The following IPO11 variants were observed in gnomAD, a reference collection of about 807,000 sequenced individuals.
IPO11 encodes importin-11.
In IPO11, 66 loss-of-function variants were observed where a neutral mutation model predicts 143.2. The observed-to-expected ratio is 0.46, with a 90% CI of 0.38 to 0.57. The LOEUF (loss-of-function observed/expected upper bound fraction) is 0.57. Ranked by LOEUF, IPO11 falls within the 20% of genes least tolerant of loss-of-function variation. The pLI, the probability that IPO11 is intolerant of heterozygous loss-of-function variation, is 0.00. For synonymous variants in IPO11, 385 were observed against 377.8 expected, an observed-to-expected ratio of 1.02 and a Z score of -0.22; for missense variants, 1,026 against 1,141.0, an observed-to-expected ratio of 0.90 and a Z score of 1.45.
intron 24 of IPO11, among the ~76,000 whole-genome samples, chr5:62,538,363 A>C (rs893061911): frequency 6.6e-6 from 1 of 152,106 alleles, no homozygotes; most frequent in Non-Finnish European, 1.5e-5. Context: ...TCCCCACCCA[A>C]ATCACCCCAT....
At chr5:62,537,403 CAGG>C in intron 24 of IPO11, 114 bp downstream of exon 24, 1 of 695,196 alleles carries the variant, frequency 1.4e-6, no homozygotes, top group Non-Finnish European at 2.4e-6. Flanking sequence ...TAGTTCTAGA[CAGG>C]CTATTTTGGC....
At chr5:62,557,254 G>C (rs1743606916) in intron 26 of IPO11, among the ~76,000 whole-genome samples, 1 of 152,002 alleles carries the variant, frequency 6.6e-6, no homozygotes, top group African/African-American at 2.4e-5. Flanking sequence ...CGCGATCTCA[G>C]CTCACTGCAA....
At chr5:62,499,504 G>A (rs1741272280) in intron 16 of IPO11, among the ~76,000 whole-genome samples, 1 of 151,484 alleles carries the variant, frequency 6.6e-6, no homozygotes, top group South Asian at 2.1e-4. Flanking sequence ...TGTACACTTA[G>A]GCTACACTAA....
At chr5:62,580,496 A>G (rs1744509003) in intron 27 of IPO11, 1 of 1,551,336 alleles carries the variant, frequency 6.4e-7, no homozygotes, top group East Asian at 2.4e-5. Context: ...TCATTGATTC[A>G]TCTTCAGGCA....
intron 27 of IPO11, among the ~76,000 whole-genome samples, chr5:62,591,176 C>T (rs982926538): frequency 6.6e-6 from 1 of 151,970 alleles, no homozygotes; most frequent in South Asian, 2.1e-4. Context: ...AGTCCATTAC[C>T]AGATACTTGT....
chr5:62,552,406 A>G (rs1743419280), intron 26 of IPO11, among the ~76,000 whole-genome samples: 1 of 152,016 alleles, frequency 6.6e-6, no homozygotes, highest in South Asian at 2.1e-4. Flanking sequence ...TTGTTTTGAT[A>G]AATAAATAGG....
At chr5:62,468,888 G>A (rs936031603) in intron 6 of IPO11, among the ~76,000 whole-genome samples, 2 of 152,128 alleles carry the variant, frequency 1.3e-5, no homozygotes, top group African/African-American at 4.8e-5. Context: ...TTTGTTTTGT[G>A]TAATCTCTAT....
chr5:62,597,492 AG>A (rs1745268890), intron 28 of IPO11, among the ~76,000 whole-genome samples: 1 of 152,230 alleles, frequency 6.6e-6, no homozygotes, highest in Admixed American at 6.5e-5. Context: ...AAAGGGAAAT[AG>A]GGTACTGAAA....
At chr5:62,428,110 G>A (rs1743826964) in intron 1 of IPO11, among the ~76,000 whole-genome samples, 1 of 152,106 alleles carries the variant, frequency 6.6e-6, no homozygotes, top group Non-Finnish European at 1.5e-5. Flanking sequence ...CTTGTCTTAT[G>A]CCAGAAGTCT....
rs752777080 is a variant in IPO11 at position 62,442,876 on chromosome 5, A to AACAAAACAAT, written c.139-98_139-97insTACAAAACAA. The AACAAAACAAT allele has an allele frequency of 7.8e-4, 508 of 654,492 alleles. 1 individual carries two copies. The highest frequency in any genetic ancestry group is 1.7e-3 in the Middle Eastern group (4 of 2,376). The allele number at this position is 654,492 out of a possible 1,614,324, so 40.5% of individuals were successfully genotyped here. ...TGAAACTGTCTCAAAAACAAAACAA[A>AACAAAACAAT]ACAAAACAAAACAAAACAAAGATCT... is the stretch of plus-strand genomic sequence containing the variant. On this transcript the variant is annotated intron_variant, in intron 2 of 29. Transcript: ENST00000325324.
In IPO11 at chr5:62,438,687, G is replaced by A. The variant is rs1450111618; in HGVS notation, c.138+1270G>A. Among the ~76,000 whole-genome samples the A allele has an allele frequency of 9.2e-5, 14 of 151,792 alleles. 1 individual carries two copies. The highest frequency in any genetic ancestry group is 9.2e-4 in the Admixed American group (14 of 15,216). On this transcript the variant is annotated intron_variant, in intron 2 of 29. Coordinates refer to ENST00000325324, the MANE Select transcript of IPO11 (RefSeq NM_016338.5). ...GAATCGCTTGAACTCAGGAGGCGGA[G>A]GTTGCAGTGAGCTGAGATCGTGCCA...
intron 21 of IPO11, chr5:62,526,634 T>C (rs1742378209): frequency 5.7e-6 from 1 of 176,740 alleles, no homozygotes; most frequent in Non-Finnish European, 1.2e-5. Flanking sequence ...ATACCTTAGC[T>C]CCAAATGCTA....
chr5:62,447,704 G>C (rs1039532657), intron 3 of IPO11, among the ~76,000 whole-genome samples: 1 of 151,930 alleles, frequency 6.6e-6, no homozygotes, highest in African/African-American at 2.4e-5. Context: ...TCCCACTGCA[G>C]CCTCTGGAGT....
intron 27 of IPO11, among the ~76,000 whole-genome samples, chr5:62,588,924 C>T (rs748529022): frequency 4.6e-5 from 7 of 152,164 alleles, no homozygotes; most frequent in Non-Finnish European, 8.8e-5. Flanking sequence ...GCTTACTCAC[C>T]CACGTGCCTA....
Position 62,539,509 on chromosome 5 carries a change from T to C in IPO11, c.2250+2220T>C, listed in dbSNP as rs1420435361. 2.0e-5 allele frequency among the ~76,000 whole-genome samples: 3 copies of C among 152,244 alleles called. No individual in the cohort carries two copies. The East Asian group carries it at 5.8e-4, about 29-fold the overall frequency. On this transcript the variant is annotated intron_variant, in intron 24 of 29. Transcript: ENST00000325324. ...TAATTTTTTAGCTTATTAGTTTCTT[T>C]TTTAGAGCAAGGGGTTTACTAAAGG...
In IPO11 at chr5:62,451,951, G is replaced by A. The variant is rs541314880; in HGVS notation, c.516+18G>A. ...TTTATGATGTAAGTGATTTCACATA[G>A]TTAAATTTGATTATGAAAATTGTGC... On this transcript the variant is annotated intron_variant, in intron 5 of 29. Coordinates refer to ENST00000325324, the MANE Select transcript of IPO11 (RefSeq NM_016338.5). 3.8e-6 allele frequency: 6 copies of A among 1,596,604 alleles called. No homozygotes were observed. The South Asian group carries it at 6.6e-5, about 18-fold the overall frequency.
chr5:62,524,070 T>C (rs187804762), intron 20 of IPO11, among the ~76,000 whole-genome samples: 1 of 152,168 alleles, frequency 6.6e-6, no homozygotes, highest in African/African-American at 2.4e-5. Flanking sequence ...GTAGTTTTCT[T>C]ATTTTAATAA....
intron 10 of IPO11, 23 bp from the exon 11 acceptor site, chr5:62,483,987 A>C: frequency 1.9e-6 from 3 of 1,583,734 alleles, no homozygotes; most frequent in Non-Finnish European, 2.6e-6. Context: ...TATACAATTA[A>C]CTTGGAAATT....
At chr5:62,513,339 G>A (rs1268248147) in intron 19 of IPO11, among the ~76,000 whole-genome samples, 9 of 140,662 alleles carry the variant, frequency 6.4e-5, no homozygotes, top group African/African-American at 2.3e-4. Context: ...CTCCCAGACG[G>A]GGCGGCTGGC....
Sources: gnomAD v4.1 joint callset for allele counts (sites outside exome capture counted in the v4.1 genomes callset) on GRCh38, gnomAD v4.1.1 for gene constraint, MANE v1.5 for transcripts, NCBI Gene and HGNC (gene_info 2026-07-23, HGNC 2026-07-21) for gene names.